CC2D2B: variants seen among roughly 807,000 people sequenced by gnomAD.
CC2D2B encodes the protein protein CC2D2B.
A neutral mutation model predicts 161.2 loss-of-function variants in CC2D2B; 128 were observed. The observed-to-expected ratio is 0.79, with a 90% CI of 0.69 to 0.92. The LOEUF is 0.92. Among genes scored for constraint, CC2D2B ranks in the 40% least tolerant of loss-of-function variants. CC2D2B has a pLI of 0.00. For missense variants in CC2D2B, 1,173 were observed against 1,375.1 expected, an observed-to-expected ratio of 0.85 and a Z score of 2.32; for synonymous variants, 391 against 449.8, an observed-to-expected ratio of 0.87 and a Z score of 1.65.
chr10:96,008,951 CTGTT>C (rs1221436340), intron 25 of CC2D2B, among the ~76,000 whole-genome samples: 1 of 151,966 alleles, frequency 6.6e-6, no homozygotes, highest in Non-Finnish European at 1.5e-5. Flanking sequence ...TTTTGCAACT[CTGTT>C]TGTAGGTTCA....
chr10:95,993,732 T>C (rs559480237), intron 22 of CC2D2B, among the ~76,000 whole-genome samples: 142 of 148,684 alleles, frequency 9.6e-4, no homozygotes, highest in African/African-American at 3.3e-3. Flanking sequence ...GGATATATTC[T>C]TAAAGTATAA....
intron 12 of CC2D2B, among the ~76,000 whole-genome samples, chr10:95,963,453 C>T (rs867225099): frequency 6.6e-6 from 1 of 152,046 alleles, no homozygotes; most frequent in Non-Finnish European, 1.5e-5. Context: ...AGTTGATATG[C>T]CTTTGAGATA....
chr10:96,029,259 T>TAC (rs1209649979), intron 34 of CC2D2B, among the ~76,000 whole-genome samples: 7 of 45,226 alleles, frequency 1.5e-4, no homozygotes, highest in South Asian at 7.3e-4. Context: ...TATATATATA[T>TAC]ATATATATAT....
At chr10:95,994,622 A>T (rs765746944) in intron 22 of CC2D2B, among the ~76,000 whole-genome samples, 5 of 152,290 alleles carry the variant, frequency 3.3e-5, no homozygotes, top group Middle Eastern at 3.4e-3. Context: ...CTTCCCAGAC[A>T]CTGGCGTTAC....
chr10:95,995,654 T>C (rs904596383), intron 23 of CC2D2B, among the ~76,000 whole-genome samples: 1 of 152,246 alleles, frequency 6.6e-6, no homozygotes, highest in Non-Finnish European at 1.5e-5. Context: ...ATCATGCTAC[T>C]CCTTGTTCTA....
intron 18 of CC2D2B, 99 bp from the exon 19 acceptor site, chr10:95,983,507 T>C: frequency 4.4e-6 from 2 of 458,636 alleles, no homozygotes; most frequent in East Asian, 7.1e-5. Context: ...TTCCTACTTA[T>C]ATTGCCACTC....
chr10:95,970,628 A>G (rs1421394434), intron 15 of CC2D2B, among the ~76,000 whole-genome samples: 1 of 152,218 alleles, frequency 6.6e-6, no homozygotes, highest in Non-Finnish European at 1.5e-5. Flanking sequence ...TCCAGCCTGT[A>G]GTCCAAGAAC....
In CC2D2B at chr10:96,018,996, A is replaced by G. The variant is rs1377260292; in HGVS notation, c.3631-207A>G. On this transcript the variant is annotated intron_variant, in intron 30 of 34. Transcript: ENST00000646931. The stretch of plus-strand genomic sequence containing the variant: ...AAAAAAAATTTTTTGTGATAGATAC[A>G]GGGTTTCCTTATGTTGCCCAGGCTG... 6.8e-6 allele frequency: 3 copies of G among 438,676 alleles called. No homozygotes were observed. The East Asian group carries it at 1.2e-4, about 17-fold the overall frequency. The allele number at this position is 438,676 out of a possible 1,614,324, so 27.2% of individuals were successfully genotyped here. A position where few individuals can be genotyped will look rare whatever the true frequency, so the allele number is the denominator to read the frequency against.
chr10:95,992,303 G>A (rs1473942412), intron 21 of CC2D2B, among the ~76,000 whole-genome samples: 5 of 152,120 alleles, frequency 3.3e-5, no homozygotes, highest in Admixed American at 2.0e-4. Flanking sequence ...TACCCAAGGG[G>A]CAAGGAGCAA....
At chr10:95,943,860 A>T (rs2076104579) in intron 9 of CC2D2B, among the ~76,000 whole-genome samples, 1 of 152,202 alleles carries the variant, frequency 6.6e-6, no homozygotes, top group Admixed American at 6.6e-5. Flanking sequence ...GTTATCTTCC[A>T]CCAGAAATGT....
chr10:95,949,839 A>G, intron 9 of CC2D2B, 57 bp from the exon 10 acceptor site: 1 of 397,816 alleles, frequency 2.5e-6, no homozygotes, highest in Non-Finnish European at 4.4e-6. Flanking sequence ...AAAGTTACTT[A>G]TAATTTCAAA....
chr10:95,913,018 G>A (rs1312978988), intron 2 of CC2D2B, among the ~76,000 whole-genome samples: 4 of 151,410 alleles, frequency 2.6e-5, no homozygotes, highest in African/African-American at 9.7e-5. Context: ...ATAAATTATT[G>A]TTGACCATAG....
In CC2D2B at chr10:95,974,006, C is replaced by G. The variant is rs1022746883; in HGVS notation, c.1796-3C>G. On this transcript the variant is annotated splice_polypyrimidine_tract_variant and splice_region_variant and intron_variant, in intron 16 of 34. Coordinates refer to ENST00000646931, the MANE Select transcript of CC2D2B (RefSeq NM_001349008.3). ...ATATGTTTTTAATGCCTTTTATAAA[C>G]AGATGTGCCTTTTCTTCTTGAGGGA... is the stretch of plus-strand genomic sequence containing the variant. 6.5e-6 allele frequency: 8 copies of G among 1,230,372 alleles called. No homozygotes were observed. In the South Asian group the frequency reaches 2.9e-4, roughly 44 times the overall value. The allele number at this position is 1,230,372 out of a possible 1,614,324, so 76.2% of individuals were successfully genotyped here.
At chr10:96,017,226 G>A (rs1005853367) in intron 30 of CC2D2B, among the ~76,000 whole-genome samples, 4 of 152,136 alleles carry the variant, frequency 2.6e-5, no homozygotes, top group Non-Finnish European at 1.5e-5. Context: ...CCTACCATGA[G>A]TATCTTGCTA....
At chr10:95,982,170 A>C (rs2077552747) in intron 18 of CC2D2B, 57 bp downstream of exon 18, 1 of 1,107,420 alleles carries the variant, frequency 9.0e-7, no homozygotes, top group Non-Finnish European at 1.1e-6. Context: ...AGCTCTACTT[A>C]GGAAAGTATA....
At chr10:95,999,970 C>A in intron 24 of CC2D2B, 1 of 724,298 alleles carries the variant, frequency 1.4e-6, no homozygotes, top group Non-Finnish European at 2.2e-6. Flanking sequence ...CACTTATGTG[C>A]TCAATACACA....
chr10:96,028,805 G>T (rs2141979574), intron 34 of CC2D2B, among the ~76,000 whole-genome samples: 1 of 152,300 alleles, frequency 6.6e-6, no homozygotes, highest in Non-Finnish European at 1.5e-5. Context: ...TAGAAAGGAT[G>T]AGATCCTGTC....
chr10:95,946,400 T>G (rs955979031), intron 9 of CC2D2B, among the ~76,000 whole-genome samples: 2 of 152,184 alleles, frequency 1.3e-5, no homozygotes, highest in African/African-American at 4.8e-5. Flanking sequence ...CCAAAGCAAC[T>G]GAGCAACACA....
Position 95,950,103 on chromosome 10 carries a change from A to G in CC2D2B, c.1009A>G (p.Lys337Glu). 2.5e-6 allele frequency: 1 copy of G among 398,762 alleles called. No homozygotes were observed. The highest frequency in any genetic ancestry group is 6.3e-4 in the Middle Eastern group (1 of 1,580). The allele number at this position is 398,762 out of a possible 1,614,324, so 24.7% of individuals were successfully genotyped here. A position where few individuals can be genotyped will look rare whatever the true frequency, so the allele number is the denominator to read the frequency against. ...QQNVSQLLYE[K>E]LKALTDATKL... ...GAATGTATCTCAGCTGCTTTATGAGAAGGTGAGAATGGCTTTCATTATAAA... is the reference window on the plus strand; with the variant it reads ...GAATGTATCTCAGCTGCTTTATGAGGAGGTGAGAATGGCTTTCATTATAAA... Residue 337 changes from lysine (K) to glutamate (E), a missense_variant and splice_region_variant, in exon 10 of 35, where the codon AAG becomes GAG. By Grantham distance (56) the Lys-to-Glu change is moderately conservative. Coordinates refer to ENST00000646931, the MANE Select transcript of CC2D2B (RefSeq NM_001349008.3).
Sources: gnomAD v4.1 joint callset for allele counts (sites outside exome capture counted in the v4.1 genomes callset) on GRCh38, gnomAD v4.1.1 for gene constraint, MANE v1.5 for transcripts, NCBI Gene and HGNC (gene_info 2026-07-23, HGNC 2026-07-21) for gene names.